UBE2D3: variants seen among roughly 807,000 people sequenced by gnomAD.
UBE2D3 encodes ubiquitin conjugating enzyme E2 D3.
Under a neutral mutation model 22.8 loss-of-function variants are expected in UBE2D3, and 2 were observed. That is an observed-to-expected ratio of 0.09 (90% confidence interval 0.04 to 0.28). The LOEUF (loss-of-function observed/expected upper bound fraction) is 0.28. Ranked by LOEUF, UBE2D3 falls within the 10% of genes least tolerant of loss-of-function variation. UBE2D3 has a pLI of 1.00. For missense variants in UBE2D3, 27 were observed against 182.5 expected, an observed-to-expected ratio of 0.15 and a Z score of 4.91; for synonymous variants, 56 against 60.4, an observed-to-expected ratio of 0.93 and a Z score of 0.34.
At chr4:102,852,696 T>C (rs1441115513) in intron 1 of UBE2D3, among the ~76,000 whole-genome samples, 1 of 152,226 alleles carries the variant, frequency 6.6e-6, no homozygotes, top group African/African-American at 2.4e-5. Flanking sequence ...TTTTCCACTA[T>C]GAATATTTTT....
chr4:102,850,491 A>G (rs1279503574), intron 1 of UBE2D3, among the ~76,000 whole-genome samples: 1 of 152,142 alleles, frequency 6.6e-6, no homozygotes, highest in Non-Finnish European at 1.5e-5. Context: ...TTCAGCCAGA[A>G]GGAATTTCTC....
intron 2 of UBE2D3, among the ~76,000 whole-genome samples, chr4:102,822,977 G>A (rs1054224662): frequency 6.6e-6 from 1 of 152,054 alleles, no homozygotes. Context: ...TCAAAAAAGA[G>A]CTTGAGCTTT....
At chr4:102,801,636 C>A in intron 5 of UBE2D3, 77 bp from the exon 6 acceptor site, 1 of 1,204,554 alleles carries the variant, frequency 8.3e-7, no homozygotes, top group Non-Finnish European at 1.2e-6. Flanking sequence ...ATAATCAAGC[C>A]ACAATGTTAA....
At chr4:102,819,660 G>C (rs1729280709) in intron 2 of UBE2D3, 6 of 923,656 alleles carry the variant, frequency 6.5e-6, no homozygotes, top group Non-Finnish European at 1.3e-6. Context: ...ATAGTGGCAA[G>C]GCCAAGTTCA....
intron 4 of UBE2D3, chr4:102,809,404 T>C (rs1425259643): frequency 4.4e-6 from 2 of 449,892 alleles, no homozygotes; most frequent in East Asian, 8.4e-5. Context: ...CACAGTGCTA[T>C]GTAGAAAAAC....
rs1725376878 is a variant in UBE2D3, at chr4:102,797,404, T to C, written c.*11A>G. The C allele has an allele frequency of 6.2e-7, 1 of 1,602,020 alleles. No individual in the cohort carries two copies. Among genetic ancestry groups the C allele is most frequent in the African/African-American group, 1.3e-5 (1 of 74,338 alleles). Reference sequence around the variant, plus strand: ...AGCTATAATGCAGGTTATTCTGACTTTAAGGTAGCATCACATGGCATACTT... The same window carrying C: ...AGCTATAATGCAGGTTATTCTGACTCTAAGGTAGCATCACATGGCATACTT... On this transcript the variant is annotated 3_prime_UTR_variant, in exon 8 of 8. Transcript: ENST00000453744.
At chr4:102,844,455 A>G (rs563847802) in intron 1 of UBE2D3, among the ~76,000 whole-genome samples, 2 of 152,306 alleles carry the variant, frequency 1.3e-5, no homozygotes, top group South Asian at 4.1e-4. Context: ...AAGCAGACCT[A>G]AGCTGCTGTG....
Position 102,801,473 on chromosome 4 carries a change from A to G in UBE2D3, c.285T>C (p.Pro95=), listed in dbSNP as rs779906405. ...CLDILRSQWS[P]ALTISKVLLS... ...ATTTACCTTTAGAAATTGTTAAAGC[A>G]GGCGACCACTGTGATCTTAGAATAT... The change falls in exon 6 of 8, where the codon CCT becomes CCC. Residue 95 remains proline (P), a synonymous_variant. Coordinates refer to ENST00000453744, the MANE Select transcript of UBE2D3 (RefSeq NM_181891.3). The G allele has an allele frequency of 5.0e-6, 8 of 1,608,732 alleles. No homozygotes were observed. The highest frequency in any genetic ancestry group is 3.3e-5 in the Admixed American group (2 of 59,814).
At chr4:102,840,581 AG>A (rs772681647) in intron 1 of UBE2D3, among the ~76,000 whole-genome samples, 21 of 152,218 alleles carry the variant, frequency 1.4e-4, no homozygotes, top group East Asian at 3.9e-4. Context: ...TCTGGGTGGG[AG>A]GGGGGATGAA....
intron 6 of UBE2D3, 45 bp downstream of exon 6, chr4:102,801,409 C>CT (rs1316824043): frequency 3.3e-6 from 5 of 1,507,544 alleles, no homozygotes; most frequent in Non-Finnish European, 2.7e-6. Flanking sequence ...AAGAATGAAG[C>CT]TTTATTAGAC....
upstream of UBE2D3, chr4:102,828,143 C>T (rs1226872943): frequency 1.0e-6 from 1 of 985,356 alleles, no homozygotes; most frequent in African/African-American, 1.7e-5. Context: ...CCCCTGAATG[C>T]TTATGCCGGT....
At chr4:102,865,600 AAACTGATGAACAAACCAAT>A (rs1216109940) in intron 1 of UBE2D3, among the ~76,000 whole-genome samples, 1 of 152,192 alleles carries the variant, frequency 6.6e-6, no homozygotes, top group Non-Finnish European at 1.5e-5. Context: ...TGTACCAGTG[AAACTGATGAACAAACCAAT>A]AGCACAGTGG....
chr4:102,859,499 A>G (rs1161199444), intron 1 of UBE2D3, among the ~76,000 whole-genome samples: 1 of 151,994 alleles, frequency 6.6e-6, no homozygotes, highest in African/African-American at 2.4e-5. Context: ...AAAAAGATCA[A>G]TGAAGACATC....
intron 2 of UBE2D3, chr4:102,825,210 C>G (rs1346376129): frequency 5.1e-6 from 5 of 982,414 alleles, no homozygotes; most frequent in Non-Finnish European, 6.0e-6. Context: ...AAAAAGTAAT[C>G]TATTAAAACC....
chr4:102,801,744 TA>T, intron 5 of UBE2D3, 185 bp from the exon 6 acceptor site: 1 of 481,512 alleles, frequency 2.1e-6, no homozygotes, highest in Non-Finnish European at 3.7e-6. Flanking sequence ...AACAGAAACC[TA>T]AACTTTTGGA....
intron 1 of UBE2D3, among the ~76,000 whole-genome samples, chr4:102,865,922 T>C (rs1236796259): frequency 2.0e-5 from 3 of 152,202 alleles, no homozygotes; most frequent in African/African-American, 7.2e-5. Context: ...ACAGTTTCTT[T>C]ATGTCTTTTA....
At chr4:102,799,685 G>A (rs969805029) in intron 6 of UBE2D3, among the ~76,000 whole-genome samples, 185 bp from the exon 7 acceptor site, 1 of 151,840 alleles carries the variant, frequency 6.6e-6, no homozygotes, top group African/African-American at 2.4e-5. Flanking sequence ...AGTAAGAAGT[G>A]CTAAAAACAG....
chr4:102,801,054 A>C (rs1726081948), intron 6 of UBE2D3, among the ~76,000 whole-genome samples: 1 of 152,028 alleles, frequency 6.6e-6, no homozygotes, highest in African/African-American at 2.4e-5. Flanking sequence ...AAGCAAAATC[A>C]GAATTTTCCT....
intron 1 of UBE2D3, among the ~76,000 whole-genome samples, chr4:102,856,019 C>T (rs1218727873): frequency 6.6e-6 from 1 of 151,986 alleles, no homozygotes; most frequent in Non-Finnish European, 1.5e-5. Context: ...GAAGAGTGAA[C>T]AAGAAACCAT....
Sources: gnomAD v4.1 joint callset for allele counts (sites outside exome capture counted in the v4.1 genomes callset) on GRCh38, gnomAD v4.1.1 for gene constraint, MANE v1.5 for transcripts, NCBI Gene and HGNC (gene_info 2026-07-23, HGNC 2026-07-21) for gene names.